FOXN2: variants seen among roughly 807,000 people sequenced by gnomAD.
The protein encoded by FOXN2 is forkhead box protein N2.
A neutral mutation model predicts 41.2 loss-of-function variants in FOXN2; 19 were observed. The ratio of observed to expected loss-of-function variants is 0.46; its 90% CI spans 0.32 to 0.68. The LOEUF is 0.68. Among genes scored for constraint, FOXN2 ranks in the 30% least tolerant of loss-of-function variants. FOXN2 has a pLI of 0.03. For missense variants in FOXN2, 587 were observed against 509.4 expected (o/e 1.15, Z -1.47); for synonymous variants, 195 against 176.8 (o/e 1.10, Z -0.82).
At chr2:48,351,464 A>G (rs1671443292) in intron 3 of FOXN2, among the ~76,000 whole-genome samples, 1 of 152,186 alleles carries the variant, frequency 6.6e-6, no homozygotes, top group Non-Finnish European at 1.5e-5. Flanking sequence ...AAGTTGATTA[A>G]TTATTACCTA....
At chr2:48,352,912 A>G (rs1671546741) in intron 3 of FOXN2, among the ~76,000 whole-genome samples, 1 of 152,148 alleles carries the variant, frequency 6.6e-6, no homozygotes, top group African/African-American at 2.4e-5. Context: ...AATACCTACA[A>G]GTTGCTTTTT....
At chr2:48,322,832 A>G (rs1193850802) in intron 1 of FOXN2, among the ~76,000 whole-genome samples, 2 of 149,166 alleles carry the variant, frequency 1.3e-5, no homozygotes, top group East Asian at 3.9e-4. Flanking sequence ...TTGAAATAGG[A>G]GTTCATTTTT....
chr2:48,333,014 G>A lies in FOXN2; in HGVS notation c.-15+4312G>A, dbSNP rs533381692. The stretch of plus-strand genomic sequence containing the variant: ...CTTTTTCAATTTTTAAATTAATGAA[G>A]TTCCTTATCCTTCATAATTTCAACT... On this transcript the variant is annotated intron_variant, in intron 2 of 6. Coordinates refer to ENST00000340553, the MANE Select transcript of FOXN2 (RefSeq NM_002158.4). Among the ~76,000 whole-genome samples the A allele has an allele frequency of 4.6e-5, 7 of 152,210 alleles. No individual in the cohort carries two copies. The South Asian group carries it at 1.2e-3, about 27-fold the overall frequency.
intron 4 of FOXN2, among the ~76,000 whole-genome samples, chr2:48,360,783 G>A (rs1380903240): frequency 6.7e-6 from 1 of 148,676 alleles, no homozygotes; most frequent in East Asian, 1.9e-4. Context: ...TTACTTAGCT[G>A]TGTTGGGTTT....
At chr2:48,351,841 T>A (rs1455231533) in intron 3 of FOXN2, among the ~76,000 whole-genome samples, 1 of 152,096 alleles carries the variant, frequency 6.6e-6, no homozygotes, top group Non-Finnish European at 1.5e-5. Flanking sequence ...TTTGGGAAAT[T>A]TTTATGGAAA....
At chr2:48,333,945 A>G (rs1670177202) in intron 2 of FOXN2, among the ~76,000 whole-genome samples, 1 of 152,108 alleles carries the variant, frequency 6.6e-6, no homozygotes, top group African/African-American at 2.4e-5. Flanking sequence ...CTGAATTTTG[A>G]AATATATTTG....
chr2:48,364,928 A>G (rs1020093806), intron 5 of FOXN2, among the ~76,000 whole-genome samples: 1 of 152,222 alleles, frequency 6.6e-6, no homozygotes, highest in Non-Finnish European at 1.5e-5. Context: ...ATGCTTGAAG[A>G]TATTTCTCCT....
chr2:48,357,968 A>T (rs184535022), intron 3 of FOXN2, among the ~76,000 whole-genome samples: 5 of 151,718 alleles, frequency 3.3e-5, no homozygotes, highest in African/African-American at 9.7e-5. Flanking sequence ...AATCCAGTGC[A>T]TTTCTTTCTT....
intron 3 of FOXN2, among the ~76,000 whole-genome samples, chr2:48,357,524 G>A (rs1279980732): frequency 1.3e-5 from 2 of 149,426 alleles, no homozygotes; most frequent in Non-Finnish European, 3.0e-5. Context: ...TTTTGAGACA[G>A]CGTTTCACTC....
At chr2:48,369,856 C>G (rs1672773109) in intron 5 of FOXN2, among the ~76,000 whole-genome samples, 2 of 151,850 alleles carry the variant, frequency 1.3e-5, no homozygotes, top group African/African-American at 4.8e-5. Flanking sequence ...AAAAATGAGC[C>G]AGGTGCGGTG....
chr2:48,348,578 G>A (rs143641853), intron 3 of FOXN2, among the ~76,000 whole-genome samples: 12 of 152,254 alleles, frequency 7.9e-5, no homozygotes, highest in East Asian at 1.9e-4. Context: ...TGGCAGGGAC[G>A]GAAGTATGTA....
intron 2 of FOXN2, among the ~76,000 whole-genome samples, chr2:48,330,531 T>C (rs553571574): frequency 6.6e-6 from 1 of 152,322 alleles, no homozygotes; most frequent in South Asian, 2.1e-4. Context: ...AGGGTTATCT[T>C]AGCCTCAGTC....
At chr2:48,327,520 A>G (rs1333050780) in intron 1 of FOXN2, among the ~76,000 whole-genome samples, 1 of 151,860 alleles carries the variant, frequency 6.6e-6, no homozygotes, top group Non-Finnish European at 1.5e-5. Context: ...ATCTTGGCTC[A>G]CTGCAAACTC....
chr2:48,362,899 C>T (rs1451453354), intron 5 of FOXN2, among the ~76,000 whole-genome samples, 192 bp downstream of exon 5: 2 of 152,112 alleles, frequency 1.3e-5, no homozygotes, highest in Non-Finnish European at 2.9e-5. Context: ...CTGGTGCAAG[C>T]GGACTCACTG....
intron 5 of FOXN2, among the ~76,000 whole-genome samples, chr2:48,372,813 C>G (rs1161283014): frequency 6.6e-6 from 1 of 151,828 alleles, no homozygotes; most frequent in Non-Finnish European, 1.5e-5. Flanking sequence ...GTTTACATGA[C>G]CTAGACTGAC....
intron 3 of FOXN2, among the ~76,000 whole-genome samples, chr2:48,349,999 T>C (rs1671352703): frequency 1.3e-5 from 2 of 152,222 alleles, no homozygotes; most frequent in African/African-American, 4.8e-5. Context: ...CTTTTTCCAC[T>C]GGCCTCCATC....
At chr2:48,329,405 T>C (rs995113834) in intron 2 of FOXN2, among the ~76,000 whole-genome samples, 2 of 152,178 alleles carry the variant, frequency 1.3e-5, no homozygotes, top group African/African-American at 4.8e-5. Context: ...TAGTATGAGT[T>C]GGAGAAGGTT....
At chr2:48,370,071 C>T (rs1437354259) in intron 5 of FOXN2, among the ~76,000 whole-genome samples, 1 of 152,012 alleles carries the variant, frequency 6.6e-6, no homozygotes, top group Non-Finnish European at 1.5e-5. Flanking sequence ...GGGGCTTTTG[C>T]ATAATGCCAT....
intron 5 of FOXN2, among the ~76,000 whole-genome samples, chr2:48,371,146 C>G (rs544039556): frequency 6.6e-6 from 1 of 152,062 alleles, no homozygotes; most frequent in African/African-American, 2.4e-5. Flanking sequence ...GCCTATAATC[C>G]CAGGACTTTG....
Sources: allele counts gnomAD v4.1 joint callset (sites outside exome capture counted in the v4.1 genomes callset), GRCh38; gene constraint gnomAD v4.1.1; transcripts MANE v1.5; gene names NCBI Gene and HGNC (gene_info 2026-07-23, HGNC 2026-07-21).